The following ARHGAP31 variants were observed in gnomAD, a reference collection of about 807,000 sequenced individuals.
ARHGAP31 encodes the protein Rho GTPase activating protein 31.
In ARHGAP31, 34 loss-of-function variants were observed where a neutral mutation model predicts 113.9. The ratio of observed to expected loss-of-function variants is 0.30; its 90% confidence interval spans 0.23 to 0.40. The LOEUF is 0.40. Among genes scored for constraint, ARHGAP31 ranks in the 10% least tolerant of loss-of-function variants. The probability of loss-of-function intolerance (pLI) is 1.00; values close to 1 mark genes in which losing one functional copy is unlikely to be tolerated. For synonymous variants in ARHGAP31, 650 were observed against 684.8 expected, an observed-to-expected ratio of 0.95 and a Z score of 0.79; for missense variants, 1,548 against 1,767.1, an observed-to-expected ratio of 0.88 and a Z score of 2.22.
At chr3:119,315,479 T>C (rs1173384892) in intron 1 of ARHGAP31, among the ~76,000 whole-genome samples, 1 of 152,224 alleles carries the variant, frequency 6.6e-6, no homozygotes, top group African/African-American at 2.4e-5. Flanking sequence ...GATCACCTTC[T>C]AGTGAACTTG....
At chr3:119,367,443 C>A (rs1273978446) in intron 2 of ARHGAP31, among the ~76,000 whole-genome samples, 29 of 152,046 alleles carry the variant, frequency 1.9e-4, no homozygotes, top group Admixed American at 1.8e-3. Flanking sequence ...GTTTTTCAGG[C>A]CTGGAATTGG....
chr3:119,393,996 A>G (rs1266310040), intron 8 of ARHGAP31, among the ~76,000 whole-genome samples: 1 of 152,212 alleles, frequency 6.6e-6, no homozygotes. Flanking sequence ...CTGCCAATCT[A>G]GGACAATTCC....
At chr3:119,397,336 C>T (rs965985619) in intron 8 of ARHGAP31, among the ~76,000 whole-genome samples, 1 of 152,220 alleles carries the variant, frequency 6.6e-6, no homozygotes, top group East Asian at 1.9e-4. Flanking sequence ...AGCTGCTACC[C>T]GGCCTCTGTG....
chr3:119,337,683 G>A (rs1577001425), intron 1 of ARHGAP31, among the ~76,000 whole-genome samples: 1 of 152,256 alleles, frequency 6.6e-6, no homozygotes, highest in East Asian at 1.9e-4. Flanking sequence ...GTGATGATTG[G>A]TGCGTTTACA....
chr3:119,376,013 G>T (rs2080343869), intron 3 of ARHGAP31, among the ~76,000 whole-genome samples: 1 of 152,118 alleles, frequency 6.6e-6, no homozygotes, highest in African/African-American at 2.4e-5. Context: ...ATCAAGCCCT[G>T]CCCCAAATAA....
Position 119,419,283 on chromosome 3 carries a change from A to G in ARHGAP31, c.*3019A>G, listed in dbSNP as rs1174015796. On this transcript the variant is annotated 3_prime_UTR_variant, in exon 12 of 12. Coordinates refer to ENST00000264245, the MANE Select transcript of ARHGAP31 (RefSeq NM_020754.4). ...GATGGATTTGCAGTGAAACGCATGC[A>G]TGTACTGACGTTTTCTTTCAGCATT... The G allele has an allele frequency of 6.6e-6, 1 of 152,246 alleles. No individual in the cohort carries two copies. The highest frequency in any genetic ancestry group is 6.5e-5 in the Admixed American group (1 of 15,286). 9.4% of individuals were successfully genotyped at this position (152,246 alleles called of 1,614,324 possible). A position where few individuals can be genotyped will look rare whatever the true frequency, so the allele number is the denominator to read the frequency against.
chr3:119,407,924 T>C (rs931942419), intron 10 of ARHGAP31, among the ~76,000 whole-genome samples: 8 of 152,268 alleles, frequency 5.3e-5, no homozygotes, highest in Middle Eastern at 3.4e-3. Context: ...GAATAAAAAA[T>C]TGCATCTGTA....
chr3:119,312,007 G>A (rs1341230508), intron 1 of ARHGAP31, among the ~76,000 whole-genome samples: 1 of 152,218 alleles, frequency 6.6e-6, no homozygotes, highest in Non-Finnish European at 1.5e-5. Flanking sequence ...GAACAAAGGT[G>A]ACAGTATCTA....
At chr3:119,401,745 G>A (rs1432528725) in intron 9 of ARHGAP31, 77 bp from the exon 10 acceptor site, 1 of 1,356,382 alleles carries the variant, frequency 7.4e-7, no homozygotes, top group African/African-American at 1.4e-5. Context: ...CAAATGTCGT[G>A]TGCCTGCCCT....
intron 8 of ARHGAP31, among the ~76,000 whole-genome samples, chr3:119,396,336 T>C (rs143510664): frequency 1.8e-3 from 279 of 152,338 alleles, no homozygotes; most frequent in African/African-American, 6.5e-3. Flanking sequence ...GTGATTCTGA[T>C]ATGCAGTCAG....
At chr3:119,382,965 A>G in intron 5 of ARHGAP31, 119 bp from the exon 6 acceptor site, 1 of 1,313,052 alleles carries the variant, frequency 7.6e-7, no homozygotes, top group Non-Finnish European at 1.1e-6. Flanking sequence ...TAATTAAAAT[A>G]TTCTATGAAC....
rs779576661 is a variant in ARHGAP31, at chr3:119,409,752, C to T, written c.1902C>T (p.Ala634=). The part of the protein sequence containing the change: ...STLQESPRAR[A]EAVLLHEMDE... ...TGCAGGAGAGCCCCAGGGCCAGAGC[C>T]GAAGCTGTGCTTCTCCATGAGATGG... The change falls in exon 11 of 12, where the codon GCC becomes GCT. Residue 634 remains alanine (A), a synonymous_variant. Coordinates refer to ENST00000264245, the MANE Select transcript of ARHGAP31 (RefSeq NM_020754.4). 1.3e-5 allele frequency: 21 copies of T among 1,605,358 alleles called. No individual in the cohort carries two copies. Among genetic ancestry groups the T allele is most frequent in the East Asian group, 4.5e-5 (2 of 44,626 alleles).
chr3:119,335,427 T>G (rs72962550), intron 1 of ARHGAP31, among the ~76,000 whole-genome samples: 37 of 152,244 alleles, frequency 2.4e-4, no homozygotes, highest in African/African-American at 8.4e-4. Flanking sequence ...GCAAGCCAAG[T>G]TTTGGAGAAC....
At chr3:119,311,682 G>A (rs1407300038) in intron 1 of ARHGAP31, among the ~76,000 whole-genome samples, 3 of 152,176 alleles carry the variant, frequency 2.0e-5, no homozygotes, top group African/African-American at 7.2e-5. Context: ...GACATCAAAT[G>A]CCACCATCTG....
intron 3 of ARHGAP31, among the ~76,000 whole-genome samples, chr3:119,375,748 G>A (rs1275446968): frequency 3.9e-5 from 6 of 151,994 alleles, no homozygotes; most frequent in African/African-American, 1.5e-4. Context: ...CCATTTAGAG[G>A]TGTTAAATTA....
chr3:119,380,534 C>A (rs572692883), intron 3 of ARHGAP31, among the ~76,000 whole-genome samples: 1 of 151,976 alleles, frequency 6.6e-6, no homozygotes, highest in South Asian at 2.1e-4. Context: ...AACAGGCATG[C>A]GCCACCATGC....
At position 119,420,121 on chromosome 3, in the gene ARHGAP31, C is replaced by G. The variant is rs1037035282; in HGVS notation, c.*3857C>G. ...CATTTGTCTACACAGGCCTTCCATT[C>G]CTGCATGAAGAGATACTGGGGAGCA... On this transcript the variant is annotated 3_prime_UTR_variant, in exon 12 of 12. Coordinates refer to ENST00000264245, the MANE Select transcript of ARHGAP31 (RefSeq NM_020754.4). The G allele has an allele frequency of 3.3e-5, 5 of 152,174 alleles. No homozygotes were observed. The highest frequency in any genetic ancestry group is 1.2e-4 in the African/African-American group (5 of 41,432). 9.4% of individuals were successfully genotyped at this position (152,174 alleles called of 1,614,324 possible).
chr3:119,313,167 A>G (rs548927864), intron 1 of ARHGAP31, among the ~76,000 whole-genome samples: 3 of 152,322 alleles, frequency 2.0e-5, no homozygotes, highest in Admixed American at 1.3e-4. Context: ...TTTAAAATGT[A>G]AAAGACTCTA....
At chr3:119,413,623 T>C (rs1290572814) in intron 11 of ARHGAP31, among the ~76,000 whole-genome samples, 1 of 152,196 alleles carries the variant, frequency 6.6e-6, no homozygotes, top group African/African-American at 2.4e-5. Flanking sequence ...TGGGAGTAAT[T>C]ATAGTAGTGT....
Sources: allele counts gnomAD v4.1 joint callset (sites outside exome capture counted in the v4.1 genomes callset), GRCh38; gene constraint gnomAD v4.1.1; transcripts MANE v1.5; gene names NCBI Gene and HGNC (gene_info 2026-07-23, HGNC 2026-07-21).